KCNH1: variants seen among roughly 807,000 people sequenced by gnomAD.
KCNH1 encodes voltage-gated delayed rectifier potassium channel KCNH1.
A neutral mutation model predicts 69.2 loss-of-function variants in KCNH1; 27 were observed. The ratio of observed to expected loss-of-function variants is 0.39; its 90% CI spans 0.29 to 0.54. KCNH1 has a LOEUF of 0.54. KCNH1 is among the 20% of genes least tolerant of loss of function. The pLI is 0.68. For synonymous variants in KCNH1, 456 were observed against 487.7 expected, an observed-to-expected ratio of 0.93 and a Z score of 0.86; for missense variants, 798 against 1,261.6, an observed-to-expected ratio of 0.63 and a Z score of 5.57.
intron 5 of KCNH1, among the ~76,000 whole-genome samples, chr1:211,052,929 A>T (rs1690231888): frequency 6.6e-6 from 1 of 152,224 alleles, no homozygotes; most frequent in Non-Finnish European, 1.5e-5. Context: ...CATCCTACAG[A>T]TGGATGGCTG....
At chr1:210,699,219 A>T (rs1681715543) in intron 10 of KCNH1, among the ~76,000 whole-genome samples, 2 of 152,054 alleles carry the variant, frequency 1.3e-5, no homozygotes, top group South Asian at 4.2e-4. Flanking sequence ...CTCAATAAAT[A>T]CTGTGCCTGC....
At chr1:210,746,296 A>G (rs918239597) in intron 10 of KCNH1, among the ~76,000 whole-genome samples, 2 of 152,346 alleles carry the variant, frequency 1.3e-5, no homozygotes, top group East Asian at 3.9e-4. Flanking sequence ...CTCTTAGGTG[A>G]AACTCATAAC....
At chr1:210,860,908 TG>T in intron 7 of KCNH1, 1 of 944,228 alleles carries the variant, frequency 1.1e-6, no homozygotes, top group East Asian at 2.4e-5. Context: ...CACATGATTC[TG>T]CAACATGTAT....
At chr1:210,965,227 C>T (rs1467072691) in intron 6 of KCNH1, among the ~76,000 whole-genome samples, 1 of 152,090 alleles carries the variant, frequency 6.6e-6, no homozygotes, top group African/African-American at 2.4e-5. Flanking sequence ...TCCTATTCAA[C>T]ATAGTGTTGG....
intron 3 of KCNH1, among the ~76,000 whole-genome samples, chr1:211,095,172 A>G (rs7547391): frequency 0.054 from 8,220 of 152,264 alleles, 721 homozygotes; most frequent in African/African-American, 0.19. Context: ...CATACACAGA[A>G]AATCAGGAAG....
At chr1:210,840,301 G>GA (rs753637472) in intron 7 of KCNH1, among the ~76,000 whole-genome samples, 85 of 151,174 alleles carry the variant, frequency 5.6e-4, no homozygotes, top group African/African-American at 2.0e-3. Flanking sequence ...AAAATAAAAC[G>GA]AAAAAAAACA....
At chr1:211,054,355 A>G (rs1196242020) in intron 5 of KCNH1, among the ~76,000 whole-genome samples, 2 of 152,170 alleles carry the variant, frequency 1.3e-5, no homozygotes, top group Non-Finnish European at 2.9e-5. Context: ...CAGTTAAGCT[A>G]TGATTTCAGA....
At chr1:210,894,783 CA>C (rs1558515188) in intron 7 of KCNH1, among the ~76,000 whole-genome samples, 1 of 152,192 alleles carries the variant, frequency 6.6e-6, no homozygotes, top group Non-Finnish European at 1.5e-5. Flanking sequence ...AAGGCCCTAA[CA>C]AGATGCCAGC....
chr1:210,756,856 T>G (rs61061348), intron 10 of KCNH1, among the ~76,000 whole-genome samples: 2,820 of 152,244 alleles, frequency 0.019, 89 homozygotes, highest in African/African-American at 0.064. Context: ...CAGCCTTCTC[T>G]TAGGTAAAAC....
At chr1:210,771,295 C>G (rs1410890944) in intron 10 of KCNH1, among the ~76,000 whole-genome samples, 1 of 152,192 alleles carries the variant, frequency 6.6e-6, no homozygotes, top group Non-Finnish European at 1.5e-5. Flanking sequence ...GTGCCTCCCT[C>G]TAGACTTCCT....
intron 6 of KCNH1, among the ~76,000 whole-genome samples, chr1:211,004,805 T>G (rs12027535): frequency 0.24 from 36,110 of 152,022 alleles, 5,876 homozygotes; most frequent in African/African-American, 0.45. Context: ...AAATATACCA[T>G]GTAAACACTA....
intron 1 of KCNH1, among the ~76,000 whole-genome samples, chr1:211,123,957 A>C (rs1019286028): frequency 1.3e-5 from 2 of 152,272 alleles, no homozygotes; most frequent in East Asian, 3.9e-4. Context: ...TTTTAAATGA[A>C]GAGAAGATGA....
At chr1:210,714,217 G>A (rs1441564413) in intron 10 of KCNH1, among the ~76,000 whole-genome samples, 2 of 152,140 alleles carry the variant, frequency 1.3e-5, no homozygotes, top group South Asian at 2.1e-4. Context: ...TGTGTGCCTA[G>A]AGCAGATTAC....
chr1:210,724,871 A>C (rs2149028368), intron 10 of KCNH1, among the ~76,000 whole-genome samples: 1 of 152,326 alleles, frequency 6.6e-6, no homozygotes, highest in East Asian at 1.9e-4. Flanking sequence ...TTCTAGGGCA[A>C]CATCATCAGG....
chr1:210,855,409 T>G (rs527660700), intron 7 of KCNH1, among the ~76,000 whole-genome samples: 1 of 152,276 alleles, frequency 6.6e-6, no homozygotes, highest in African/African-American at 2.4e-5. Context: ...CCCACTCCAG[T>G]GGCCAATAGC....
intron 10 of KCNH1, among the ~76,000 whole-genome samples, chr1:210,714,977 C>T (rs61829479): frequency 0.063 from 9,615 of 152,172 alleles, 424 homozygotes; most frequent in Non-Finnish European, 0.096. Context: ...GATGTCTGAC[C>T]GGCACAGACT....
At chr1:210,982,998 A>T (rs1044484077) in intron 6 of KCNH1, among the ~76,000 whole-genome samples, 2 of 152,060 alleles carry the variant, frequency 1.3e-5, no homozygotes, top group Non-Finnish European at 2.9e-5. Flanking sequence ...TGTGGTTTTG[A>T]TTTGTGTTTC....
intron 6 of KCNH1, among the ~76,000 whole-genome samples, chr1:210,985,268 G>C (rs1220325041): frequency 6.6e-6 from 1 of 152,050 alleles, no homozygotes; most frequent in Admixed American, 6.6e-5. Flanking sequence ...AGGGTTTTTT[G>C]TGTCTCTATC....
At chr1:210,872,561 T>C (rs1686276638) in intron 7 of KCNH1, among the ~76,000 whole-genome samples, 1 of 152,200 alleles carries the variant, frequency 6.6e-6, no homozygotes, top group Non-Finnish European at 1.5e-5. Flanking sequence ...AGCACGATGC[T>C]GACATCTGCT....
Sources: allele counts gnomAD v4.1 joint callset (sites outside exome capture counted in the v4.1 genomes callset), GRCh38; gene constraint gnomAD v4.1.1; transcripts MANE v1.5; gene names NCBI Gene and HGNC (gene_info 2026-07-23, HGNC 2026-07-21).